The following ST3GAL4 variants were observed in gnomAD, a reference collection of about 807,000 sequenced individuals.
ST3GAL4 encodes the protein ST3 beta-galactoside alpha-2,3-sialyltransferase 4, also known as CMP-N-acetylneuraminate-beta-galactosamide-alpha-2,3-sialyltransferase 4.
ST3GAL4 carries 24 observed loss-of-function variants against 42.6 expected under a neutral mutation model. That is an observed-to-expected ratio of 0.56 (90% confidence interval 0.41 to 0.79). ST3GAL4 has a LOEUF of 0.79. Ranked by LOEUF, ST3GAL4 falls within the 30% of genes least tolerant of loss-of-function variation. ST3GAL4 has a pLI of 0.00. For missense variants in ST3GAL4, 311 were observed against 430.8 expected (o/e 0.72, Z 2.46); for synonymous variants, 135 against 163.2 (o/e 0.83, Z 1.32).
At position 126,411,850 on chromosome 11, in the gene ST3GAL4, C is replaced by T. The variant is rs1352881870; in HGVS notation, c.772-1655C>T. Among the ~76,000 whole-genome samples, 1 of 151,888 alleles carries T rather than the reference C, an allele frequency of 6.6e-6. No homozygotes were observed. Among genetic ancestry groups the T allele is most frequent in the African/African-American group, 2.4e-5 (1 of 41,320 alleles). On this transcript the variant is annotated intron_variant, in intron 9 of 10. Coordinates refer to ENST00000444328, the MANE Select transcript of ST3GAL4 (RefSeq NM_001254757.2). This position sits in a 1 kb window ranked among gnomAD's most constrained non-coding sequence, Gnocchi z 6.3. ...CTGACCTCCGTTTCTGATCTTGACA[C>T]CCGGATTTAAAGGTTCAGGTAATTA... is the stretch of plus-strand genomic sequence containing the variant.
At chr11:126,377,378 C>T (rs1207257291) in intron 1 of ST3GAL4, among the ~76,000 whole-genome samples, 3 of 151,714 alleles carry the variant, frequency 2.0e-5, no homozygotes, top group Admixed American at 6.6e-5. Flanking sequence ...ACCATGTTGG[C>T]CATGCTGGTC....
At position 126,383,963 on chromosome 11, in the gene ST3GAL4, C is replaced by T. The variant is rs1953114501; in HGVS notation, c.-60-22133C>T. Among the ~76,000 whole-genome samples the T allele has an allele frequency of 1.3e-5, 2 of 152,284 alleles. No individual in the cohort carries two copies. The highest frequency in any genetic ancestry group is 6.8e-3 in the Middle Eastern group (2 of 294). On this transcript the variant is annotated intron_variant, in intron 1 of 10. Transcript: ENST00000444328. The surrounding 1 kb of genome is among the most constrained non-coding windows in gnomAD (Gnocchi z 4.5). ...GGACAGGCTGCTGCAGGGTGGAGGG[C>T]TTGCTTTTCCTGCCCACCCTCATCT... is the stretch of plus-strand genomic sequence containing the variant.
Position 126,414,320 on chromosome 11 carries a change from G to T in ST3GAL4, c.*273G>T, listed in dbSNP as rs1019984504. 4.5e-4 allele frequency: 234 copies of T among 521,382 alleles called. 1 individual carries two copies. The East Asian group carries it at 7.5e-3, about 17-fold the overall frequency. 32.3% of individuals were successfully genotyped at this position (521,382 alleles called of 1,614,324 possible). On this transcript the variant is annotated 3_prime_UTR_variant, in exon 11 of 11. Coordinates refer to ENST00000444328, the MANE Select transcript of ST3GAL4 (RefSeq NM_001254757.2). ...GGCACCCCCTCTCTGCCAGCACCAA[G>T]AGATTATTTAATGGGCTATTTAATT...
chr11:126,406,867 G>A lies in ST3GAL4; in HGVS notation c.102-76G>A. On this transcript the variant is annotated intron_variant, in intron 3 of 10. Transcript: ENST00000444328. This position sits in a 1 kb window ranked among gnomAD's most constrained non-coding sequence, Gnocchi z 5.4. ...ACCTTGGGACCTTCATGCCGTGGGAGAAGGCTTAGGCTGCCTGGAACATGG... is the reference window on the plus strand; with the variant it reads ...ACCTTGGGACCTTCATGCCGTGGGAAAAGGCTTAGGCTGCCTGGAACATGG... 7.3e-7 allele frequency: 1 copy of A among 1,362,390 alleles called. No homozygotes were observed. 84.4% of individuals were successfully genotyped at this position (1,362,390 alleles called of 1,614,324 possible). A position where few individuals can be genotyped will look rare whatever the true frequency, so the allele number is the denominator to read the frequency against.
Position 126,407,272 on chromosome 11 carries a change from T to A in ST3GAL4, c.203T>A (p.Ile68Asn). ...TGCAGCTACTCCCGGGATCAGCCCA[T>A]CTTCCTGCGGCTTGAGGATTATTTC... The part of the protein sequence containing the change: ...LFGNYSRDQP[I>N]FLRLEDYFWV... Residue 68 changes from isoleucine to asparagine, a missense_variant, in exon 5 of 11, where the codon ATC (isoleucine) becomes AAC (asparagine). Transcript: ENST00000444328. 1.2e-6 allele frequency: 2 copies of A among 1,614,216 alleles called. No homozygotes were observed. Among genetic ancestry groups the A allele is most frequent in the Non-Finnish European group, 1.7e-6 (2 of 1,180,020 alleles).
chr11:126,387,418 C>CT (rs1565408502), intron 1 of ST3GAL4, among the ~76,000 whole-genome samples: 1 of 151,998 alleles, frequency 6.6e-6, no homozygotes, highest in Non-Finnish European at 1.5e-5. Flanking sequence ...TGGCTCACAC[C>CT]TTTAATCTTT....
Position 126,366,608 on chromosome 11 carries a change from T to G in ST3GAL4, c.-61+10766T>G, listed in dbSNP as rs577378473. ...GCAGGGCCCTCCCCTCTGGCGAGTC[T>G]GCCTCTCACTCGCTCAGCCCCTTTA... On this transcript the variant is annotated intron_variant, in intron 1 of 10. Coordinates refer to ENST00000444328, the MANE Select transcript of ST3GAL4 (RefSeq NM_001254757.2). This position sits in a 1 kb window ranked among gnomAD's most constrained non-coding sequence, Gnocchi z 4.2. Among the ~76,000 whole-genome samples the G allele has an allele frequency of 7.9e-5, 12 of 152,260 alleles. No individual in the cohort carries two copies. Among genetic ancestry groups the G allele is most frequent in the African/African-American group, 2.4e-4 (10 of 41,542 alleles).
In ST3GAL4 at chr11:126,407,400, G is replaced by T. The variant is rs753666613; in HGVS notation, c.280+51G>T. ...ACCATGGGCTCACCCTGACCACGTT[G>T]CTTCCTATTCTCTGCCGTCCACGGC... On this transcript the variant is annotated intron_variant, in intron 5 of 10. Transcript: ENST00000444328. 4.4e-6 allele frequency: 7 copies of T among 1,594,446 alleles called. No homozygotes were observed. In the East Asian group the frequency reaches 1.6e-4, roughly 36 times the overall value.
chr11:126,394,811 G>C (rs1290211441), intron 1 of ST3GAL4, among the ~76,000 whole-genome samples: 3 of 146,074 alleles, frequency 2.1e-5, no homozygotes, highest in East Asian at 2.1e-4. Context: ...AGTCTGCAGT[G>C]CCAGGCTGCA....
chr11:126,390,947 C>A (rs1953489190), intron 1 of ST3GAL4, among the ~76,000 whole-genome samples: 1 of 152,192 alleles, frequency 6.6e-6, no homozygotes, highest in African/African-American at 2.4e-5. Context: ...CAGGACTTGT[C>A]TTTTTGGGAC....
At chr11:126,382,521 C>T (rs1953047711) in intron 1 of ST3GAL4, among the ~76,000 whole-genome samples, 1 of 151,458 alleles carries the variant, frequency 6.6e-6, no homozygotes, top group African/African-American at 2.4e-5. Flanking sequence ...ACCTTGAGGA[C>T]AAGGATGGTT....
Position 126,414,470 on chromosome 11 carries a change from C to A in ST3GAL4, c.*423C>A, listed in dbSNP as rs1954654711. The A allele has an allele frequency of 5.2e-6, 1 of 190,944 alleles. No homozygotes were observed. The highest frequency in any genetic ancestry group is 1.1e-5 in the Non-Finnish European group (1 of 91,216). The allele number at this position is 190,944 out of a possible 1,614,324, so 11.8% of individuals were successfully genotyped here. A position where few individuals can be genotyped will look rare whatever the true frequency, so the allele number is the denominator to read the frequency against. ...ACCAAGGCCTAGACACGGCACTGGC[C>A]TCCCAGGAGGGCAGGGGCATTGGGA... On this transcript the variant is annotated 3_prime_UTR_variant, in exon 11 of 11. Coordinates refer to ENST00000444328, the MANE Select transcript of ST3GAL4 (RefSeq NM_001254757.2).
chr11:126,406,381 C>G lies in ST3GAL4; in HGVS notation c.17-92C>G. The G allele has an allele frequency of 6.3e-7, 1 of 1,596,684 alleles. No homozygotes were observed. The highest frequency in any genetic ancestry group is 8.5e-7 in the Non-Finnish European group (1 of 1,171,938). Reference sequence around the variant, plus strand: ...AGACTGCTTCTGTTGAGTTAGGGGTCGGAGGGACTCAGAAGGGGGCAGGTG... The same window carrying G: ...AGACTGCTTCTGTTGAGTTAGGGGTGGGAGGGACTCAGAAGGGGGCAGGTG... On this transcript the variant is annotated intron_variant, in intron 2 of 10. Coordinates refer to ENST00000444328, the MANE Select transcript of ST3GAL4 (RefSeq NM_001254757.2). The surrounding 1 kb of genome is among the most constrained non-coding windows in gnomAD (Gnocchi z 5.4).
intron 1 of ST3GAL4, among the ~76,000 whole-genome samples, chr11:126,381,647 A>G (rs572813967): frequency 2.5e-4 from 36 of 144,596 alleles, no homozygotes; most frequent in African/African-American, 9.0e-4. Context: ...CCAGCCACCG[A>G]CTTCTGCTTG....
At chr11:126,408,787 G>A in intron 8 of ST3GAL4, 1 of 487,086 alleles carries the variant, frequency 2.1e-6, no homozygotes, top group Non-Finnish European at 3.7e-6. Context: ...GTGTTTGCCT[G>A]TGAGGAACTC....
Position 126,359,288 on chromosome 11 carries a change from C to T in ST3GAL4, c.-61+3446C>T, listed in dbSNP as rs1952169401. Among the ~76,000 whole-genome samples the T allele has an allele frequency of 6.6e-6, 1 of 150,718 alleles. No individual in the cohort carries two copies. Among genetic ancestry groups the T allele is most frequent in the Non-Finnish European group, 1.5e-5 (1 of 67,768 alleles). ...TCAGGCACTTATTAAAAGCCTGGCCCAATAAACTTAAAAAAAAAAAAAAGA... is the reference window on the plus strand; with the variant it reads ...TCAGGCACTTATTAAAAGCCTGGCCTAATAAACTTAAAAAAAAAAAAAAGA... On this transcript the variant is annotated intron_variant, in intron 1 of 10. Coordinates refer to ENST00000444328, the MANE Select transcript of ST3GAL4 (RefSeq NM_001254757.2). This position sits in a 1 kb window ranked among gnomAD's most constrained non-coding sequence, Gnocchi z 4.8.
rs989978140 is a variant in ST3GAL4 at position 126,388,965 on chromosome 11, A to G, written c.-60-17131A>G. Among the ~76,000 whole-genome samples, 3 of 148,898 alleles carry G rather than the reference A, an allele frequency of 2.0e-5. No individual in the cohort carries two copies. In the East Asian group the frequency reaches 6.1e-4, roughly 30 times the overall value. On this transcript the variant is annotated intron_variant, in intron 1 of 10. Coordinates refer to ENST00000444328, the MANE Select transcript of ST3GAL4 (RefSeq NM_001254757.2). Reference sequence around the variant, plus strand: ...GCTAATTTTTGTATTTTTAGTAGAGACGGGGTTTCACCATGTTGGCCAGGT... The same window carrying G: ...GCTAATTTTTGTATTTTTAGTAGAGGCGGGGTTTCACCATGTTGGCCAGGT...
rs758683037 is a variant in ST3GAL4, at chr11:126,376,073, CCA to C, written c.-61+20234_-61+20235del. 3.3e-5 allele frequency among the ~76,000 whole-genome samples: 5 copies of C among 152,088 alleles called. No homozygotes were observed. Among genetic ancestry groups the C allele is most frequent in the Non-Finnish European group, 5.9e-5 (4 of 68,022 alleles). ...TCTAGAGATATAAAGAAGTTCCTGA[CCA>C]CAGAGTTCATAGCCTCACAGGCAAG... On this transcript the variant is annotated intron_variant, in intron 1 of 10. Transcript: ENST00000444328. The surrounding 1 kb of genome is among the most constrained non-coding windows in gnomAD (Gnocchi z 5.1).
At chr11:126,371,952 A>G (rs979954107) in intron 1 of ST3GAL4, among the ~76,000 whole-genome samples, 1 of 147,120 alleles carries the variant, frequency 6.8e-6, no homozygotes, top group East Asian at 2.2e-4. Context: ...GAGCCTGAGC[A>G]TCTTTTCTGT....
Sources: allele counts gnomAD v4.1 joint callset (sites outside exome capture counted in the v4.1 genomes callset), GRCh38; gene constraint gnomAD v4.1.1; non-coding constraint Gnocchi (gnomAD v3.1); transcripts MANE v1.5; gene names NCBI Gene and HGNC (gene_info 2026-07-23, HGNC 2026-07-21).